Variants in COMMD10 observed in about 807,000 individuals in gnomAD.
COMMD10 encodes COMM domain containing 10, also known as COMM domain-containing protein 10.
In COMMD10, 33 loss-of-function variants were observed where a neutral mutation model predicts 28.9. The ratio of observed to expected loss-of-function variants is 1.14; its 90% confidence interval spans 0.87 to 1.53. COMMD10 has a LOEUF of 1.53. Ranked by LOEUF, COMMD10 falls within the 40% of genes most tolerant of loss-of-function variation. COMMD10 has a pLI of 0.00. For synonymous variants in COMMD10, 110 were observed against 81.7 expected (o/e 1.35, Z -1.87); for missense variants, 310 against 233.4 (o/e 1.33, Z -2.14).
At chr5:116,182,168 C>A (rs560037188) in intron 5 of COMMD10, among the ~76,000 whole-genome samples, 1 of 151,880 alleles carries the variant, frequency 6.6e-6, no homozygotes, top group South Asian at 2.1e-4. Flanking sequence ...AGGAGGGAGG[C>A]GCATTATTCA....
chr5:116,236,843 C>T (rs1179888474), intron 5 of COMMD10, among the ~76,000 whole-genome samples: 1 of 152,066 alleles, frequency 6.6e-6, no homozygotes, highest in Non-Finnish European at 1.5e-5. Flanking sequence ...AGTATAGGTT[C>T]ATTGACTGTA....
At chr5:116,236,736 C>T (rs1216881098) in intron 5 of COMMD10, among the ~76,000 whole-genome samples, 1 of 151,782 alleles carries the variant, frequency 6.6e-6, no homozygotes, top group Non-Finnish European at 1.5e-5. Flanking sequence ...CAGTAAATAC[C>T]ATGTATGATA....
intron 5 of COMMD10, among the ~76,000 whole-genome samples, chr5:116,227,288 G>A (rs907344271): frequency 6.6e-6 from 1 of 151,896 alleles, no homozygotes; most frequent in Non-Finnish European, 1.5e-5. Context: ...CTTCAACAGG[G>A]CTTGATTTCC....
At chr5:116,142,080 A>G (rs1332092939) in intron 5 of COMMD10, among the ~76,000 whole-genome samples, 4 of 152,026 alleles carry the variant, frequency 2.6e-5, no homozygotes, top group Middle Eastern at 3.4e-3. Context: ...ACTTACCACA[A>G]AGATGCAGGT....
intron 4 of COMMD10, among the ~76,000 whole-genome samples, chr5:116,123,263 G>GT (rs745356877): frequency 8.8e-4 from 134 of 152,200 alleles, no homozygotes; most frequent in Non-Finnish European, 1.6e-3. Context: ...AATTTATTGA[G>GT]TGATTTTAGC....
chr5:116,132,493 G>A (rs1311435465), intron 4 of COMMD10, among the ~76,000 whole-genome samples: 2 of 152,066 alleles, frequency 1.3e-5, no homozygotes, highest in Non-Finnish European at 2.9e-5. Context: ...TTAATATCAA[G>A]GCCTGATCAC....
intron 5 of COMMD10, among the ~76,000 whole-genome samples, chr5:116,178,962 G>A (rs190884517): frequency 5.5e-4 from 83 of 152,146 alleles, no homozygotes; most frequent in African/African-American, 2.0e-3. Context: ...GAGGCTTAGG[G>A]ATTTCAGACG....
intron 4 of COMMD10, among the ~76,000 whole-genome samples, chr5:116,122,787 T>C (rs987505775): frequency 3.3e-5 from 5 of 152,154 alleles, no homozygotes; most frequent in African/African-American, 4.8e-5. Context: ...CTGTCTGTTA[T>C]TGGCATATAG....
intron 5 of COMMD10, among the ~76,000 whole-genome samples, chr5:116,204,179 A>G (rs1167144275): frequency 6.6e-6 from 1 of 152,216 alleles, no homozygotes; most frequent in East Asian, 1.9e-4. Flanking sequence ...CAATTCAACA[A>G]GAAGAGCTAT....
intron 2 of COMMD10, among the ~76,000 whole-genome samples, chr5:116,087,800 A>G (rs1000980390): frequency 1.3e-5 from 2 of 152,226 alleles, no homozygotes; most frequent in Non-Finnish European, 2.9e-5. Context: ...AACTTTTCAG[A>G]GTATTTTATA....
At chr5:116,227,622 C>T (rs551885258) in intron 5 of COMMD10, among the ~76,000 whole-genome samples, 258 of 152,168 alleles carry the variant, frequency 1.7e-3, no homozygotes, top group African/African-American at 5.9e-3. Context: ...CTAAGGCTGC[C>T]CACTTAGGTG....
intron 5 of COMMD10, among the ~76,000 whole-genome samples, chr5:116,188,946 A>G (rs548557618): frequency 6.6e-6 from 1 of 152,274 alleles, no homozygotes; most frequent in African/African-American, 2.4e-5. Context: ...TTTGTTATTA[A>G]TGAAGGTTGT....
intron 5 of COMMD10, among the ~76,000 whole-genome samples, chr5:116,221,059 TAA>T (rs1654556586): frequency 6.7e-6 from 1 of 150,274 alleles, no homozygotes; most frequent in Non-Finnish European, 1.5e-5. Flanking sequence ...TATGAAACAT[TAA>T]GTTTTCCCTT....
At chr5:116,227,519 C>A (rs1749423192) in intron 5 of COMMD10, among the ~76,000 whole-genome samples, 1 of 152,094 alleles carries the variant, frequency 6.6e-6, no homozygotes, top group African/African-American at 2.4e-5. Context: ...TAGTACTCTG[C>A]TTCAAATTCC....
chr5:116,236,488 G>T (rs1749666494), intron 5 of COMMD10, among the ~76,000 whole-genome samples: 1 of 127,636 alleles, frequency 7.8e-6, no homozygotes, highest in Admixed American at 8.9e-5. Flanking sequence ...TGGGTGACAA[G>T]AGCAAGACTC....
chr5:116,255,197 C>T lies in COMMD10; in HGVS notation c.511-36320C>T, dbSNP rs184524201. On this transcript the variant is annotated intron_variant, in intron 5 of 6. Transcript: ENST00000274458. ...TATTTTGAGCCTATGTGTGTCTCTG[C>T]CCGTGAGATGGGTTTCCTGAACACA... 2.0e-3 allele frequency among the ~76,000 whole-genome samples: 302 copies of T among 151,784 alleles called. 5 individuals carry two copies. Among genetic ancestry groups the T allele is most frequent in the African/African-American group, 7.0e-3 (287 of 41,174 alleles).
chr5:116,118,634 A>G (rs1751320516), intron 4 of COMMD10, among the ~76,000 whole-genome samples: 1 of 151,996 alleles, frequency 6.6e-6, no homozygotes, highest in Non-Finnish European at 1.5e-5. Context: ...TGGTTCATTT[A>G]TTTTATGGCT....
intron 5 of COMMD10, among the ~76,000 whole-genome samples, chr5:116,170,903 T>G (rs765187089): frequency 1.3e-5 from 2 of 152,138 alleles, no homozygotes; most frequent in Non-Finnish European, 2.9e-5. Context: ...ATCTTGGCAA[T>G]GCCATTCAAG....
At chr5:116,119,352 T>C (rs888787193) in intron 4 of COMMD10, among the ~76,000 whole-genome samples, 1 of 152,202 alleles carries the variant, frequency 6.6e-6, no homozygotes, top group East Asian at 1.9e-4. Context: ...TATTGTGATT[T>C]GATGTAGCAG....
Sources: gnomAD v4.1 joint callset for allele counts (sites outside exome capture counted in the v4.1 genomes callset) on GRCh38, gnomAD v4.1.1 for gene constraint, MANE v1.5 for transcripts, NCBI Gene and HGNC (gene_info 2026-07-23, HGNC 2026-07-21) for gene names.